Variants in STK39 observed in about 807,000 individuals in gnomAD.
The protein encoded by STK39 is serine/threonine kinase 39.
A neutral mutation model predicts 77.8 loss-of-function variants in STK39; 20 were observed. The ratio of observed to expected loss-of-function variants is 0.26; its 90% CI spans 0.18 to 0.37. The LOEUF is 0.37. STK39 is among the 10% of genes least tolerant of loss of function. STK39 has a pLI of 1.00. For missense variants in STK39, 479 were observed against 656.5 expected (o/e 0.73, Z 2.95); for synonymous variants, 246 against 234.1 (o/e 1.05, Z -0.47).
At chr2:168,029,198 T>C (rs1048512964) in intron 14 of STK39, among the ~76,000 whole-genome samples, 2 of 152,198 alleles carry the variant, frequency 1.3e-5, no homozygotes, top group East Asian at 3.8e-4. Context: ...GAGACATTAG[T>C]ACATACTTGA....
In STK39 at chr2:168,140,334, T is replaced by C. The variant is rs780800094; in HGVS notation, c.795A>G (p.Glu265=). The C allele has an allele frequency of 1.9e-5, 30 of 1,614,104 alleles. No homozygotes were observed. In the Admixed American group the frequency reaches 2.3e-4, roughly 13 times the overall value. ...GATAAGGCGCTGCTCCTGTTGCTAA[T>C]TCAATGGCAGTTATTCCAAAACTCC... ...DMWSFGITAI[E]LATGAAPYHK... is the part of the protein sequence containing the mutation. Residue 265 remains glutamate (E), a synonymous_variant, in exon 7 of 18, where the codon GAA becomes GAG. Transcript: ENST00000355999.
chr2:168,233,854 A>G (rs918464442), intron 1 of STK39, among the ~76,000 whole-genome samples: 16 of 152,210 alleles, frequency 1.1e-4, no homozygotes, highest in African/African-American at 3.6e-4. Context: ...ACACATTATG[A>G]TATTTCTGAA....
chr2:168,214,835 G>A (rs559046185), intron 1 of STK39, among the ~76,000 whole-genome samples: 1 of 152,180 alleles, frequency 6.6e-6, no homozygotes, highest in African/African-American at 2.4e-5. Flanking sequence ...TGTGTGCCAC[G>A]AACTGAGGTA....
At chr2:168,215,997 T>C (rs1004174092) in intron 1 of STK39, among the ~76,000 whole-genome samples, 1 of 152,212 alleles carries the variant, frequency 6.6e-6, no homozygotes, top group Non-Finnish European at 1.5e-5. Flanking sequence ...AATACATTTA[T>C]GTTTTTGCAT....
chr2:167,967,495 T>C (rs1003277892), intron 16 of STK39, among the ~76,000 whole-genome samples: 1 of 152,224 alleles, frequency 6.6e-6, no homozygotes, highest in East Asian at 1.9e-4. Flanking sequence ...TGAATACCTG[T>C]CAGGGCTGGA....
chr2:168,020,949 T>C (rs1684554898), intron 14 of STK39, among the ~76,000 whole-genome samples: 1 of 152,160 alleles, frequency 6.6e-6, no homozygotes, highest in South Asian at 2.1e-4. Context: ...ATTTCCTTAA[T>C]AGTCTTGGTT....
intron 5 of STK39, among the ~76,000 whole-genome samples, chr2:168,141,394 GT>G (rs1374497735): frequency 6.6e-6 from 1 of 152,078 alleles, no homozygotes; most frequent in Non-Finnish European, 1.5e-5. Context: ...TCCTTTGAAT[GT>G]CACCTCACAT....
chr2:168,083,004 A>G (rs921418318), intron 10 of STK39, among the ~76,000 whole-genome samples: 1 of 152,156 alleles, frequency 6.6e-6, no homozygotes, highest in East Asian at 1.9e-4. Context: ...CACTCAAAAC[A>G]TGACAGGTGC....
chr2:168,220,341 G>A (rs539031207), intron 1 of STK39, among the ~76,000 whole-genome samples: 1 of 152,190 alleles, frequency 6.6e-6, no homozygotes, highest in African/African-American at 2.4e-5. Flanking sequence ...TTCTCCTGGG[G>A]CAAAGAGAAA....
At chr2:168,203,678 C>T (rs374333232) in intron 1 of STK39, among the ~76,000 whole-genome samples, 21 of 152,300 alleles carry the variant, frequency 1.4e-4, no homozygotes, top group East Asian at 5.8e-4. Context: ...CTGCAACCTC[C>T]GCCTCCTGGG....
intron 1 of STK39, among the ~76,000 whole-genome samples, chr2:168,200,552 C>T (rs1009318328): frequency 1.2e-4 from 18 of 152,066 alleles, no homozygotes; most frequent in Admixed American, 7.9e-4. Flanking sequence ...TGGCATGCGC[C>T]TGTAACCCCA....
At position 168,140,746 on chromosome 2, in the gene STK39, CT is replaced by C; in HGVS notation, c.640del (p.Ser214ValfsTer4). On this transcript the variant is annotated frameshift_variant, in exon 6 of 18. Transcript: ENST00000355999. LOFTEE classifies it high-confidence loss of function. The part of the protein sequence containing the change: ...GSVQIADFGV[S>X]AFLATGGDVT... ...ATCACCCCCTGTTGCTAGGAACGCA[CT>C]TACCCCAAAATCTGAAAGGGAAAAA... The C allele has an allele frequency of 6.3e-7, 1 of 1,594,684 alleles. No individual in the cohort carries two copies. Among genetic ancestry groups the C allele is most frequent in the Non-Finnish European group, 8.5e-7 (1 of 1,171,514 alleles).
At chr2:168,239,414 G>A (rs1574585474) in intron 1 of STK39, among the ~76,000 whole-genome samples, 1 of 152,186 alleles carries the variant, frequency 6.6e-6, no homozygotes, top group Non-Finnish European at 1.5e-5. Flanking sequence ...TCAGTCCTAA[G>A]ACCTCAGGAG....
chr2:168,056,232 C>T (rs143914922), intron 14 of STK39, among the ~76,000 whole-genome samples: 1 of 152,044 alleles, frequency 6.6e-6, no homozygotes, highest in East Asian at 1.9e-4. Flanking sequence ...TGGAGAAATA[C>T]ACTACCTGTA....
chr2:168,120,599 C>T (rs571996727), intron 10 of STK39, among the ~76,000 whole-genome samples: 1 of 152,278 alleles, frequency 6.6e-6, no homozygotes, highest in African/African-American at 2.4e-5. Context: ...ACAGCTGTGG[C>T]AGCAATCATA....
intron 10 of STK39, among the ~76,000 whole-genome samples, chr2:168,121,828 A>G (rs1687413582): frequency 6.6e-6 from 1 of 152,220 alleles, no homozygotes; most frequent in Non-Finnish European, 1.5e-5. Context: ...TGCACAGATC[A>G]TCTCTCATCC....
chr2:168,223,344 T>TA (rs1690222570), intron 1 of STK39, among the ~76,000 whole-genome samples: 1 of 151,782 alleles, frequency 6.6e-6, no homozygotes, highest in Non-Finnish European at 1.5e-5. Flanking sequence ...ACCCCGTCTT[T>TA]ACTAAAAATA....
At chr2:168,106,425 T>G (rs1165142168) in intron 10 of STK39, among the ~76,000 whole-genome samples, 1 of 152,238 alleles carries the variant, frequency 6.6e-6, no homozygotes, top group Non-Finnish European at 1.5e-5. Flanking sequence ...ATAGCTATTA[T>G]TCATACCTCT....
chr2:167,978,848 C>T (rs1683345095), intron 16 of STK39, among the ~76,000 whole-genome samples: 2 of 152,054 alleles, frequency 1.3e-5, no homozygotes, highest in Admixed American at 6.5e-5. Flanking sequence ...TTTCTAAATG[C>T]TACACAAGCA....
Sources: allele counts gnomAD v4.1 joint callset (sites outside exome capture counted in the v4.1 genomes callset), GRCh38; gene constraint gnomAD v4.1.1; transcripts MANE v1.5; gene names NCBI Gene and HGNC (gene_info 2026-07-23, HGNC 2026-07-21).